ZPBP: variants seen among roughly 807,000 people sequenced by gnomAD.
ZPBP encodes zona pellucida binding protein.
In ZPBP, 26 loss-of-function variants were observed where a neutral mutation model predicts 44.8. The ratio of observed to expected loss-of-function variants is 0.58; its 90% CI spans 0.43 to 0.81. The LOEUF is 0.81. ZPBP is among the 30% of genes least tolerant of loss of function. The probability of loss-of-function intolerance (pLI) is 0.00; values close to 1 mark genes in which losing one functional copy is unlikely to be tolerated. For missense variants in ZPBP, 409 were observed against 434.0 expected, an observed-to-expected ratio of 0.94 and a Z score of 0.51; for synonymous variants, 174 against 153.2, an observed-to-expected ratio of 1.14 and a Z score of -1.00.
rs143888747 is a variant in ZPBP at position 49,971,218 on chromosome 7, T to C, written c.961+12124A>G. Among the ~76,000 whole-genome samples the C allele has an allele frequency of 8.2e-4, 125 of 151,924 alleles. 1 individual carries two copies. The highest frequency in any genetic ancestry group is 6.8e-3 in the Middle Eastern group (2 of 294). On this transcript the variant is annotated intron_variant, in intron 7 of 7. Coordinates refer to ENST00000046087, the MANE Select transcript of ZPBP (RefSeq NM_007009.3). ...AAAAGACTGCTAATCAGTAAACCGA[T>C]TTACACCTTAAGGAACCAGGAAAAG...
At chr7:49,845,247 A>C in the ZPBP span, among the ~76,000 whole-genome samples, 1 of 152,036 alleles carries the variant, frequency 6.6e-6, no homozygotes, top group East Asian at 1.9e-4. Flanking sequence ...CCTATGTAAC[A>C]AACCTGCATA....
intron 7 of ZPBP, chr7:49,944,371 TCA>T (rs1795013753): frequency 4.9e-6 from 1 of 205,512 alleles, no homozygotes; most frequent in African/African-American, 2.4e-5. Context: ...CTTCCTGCTC[TCA>T]GTCTGGGTTT....
At chr7:49,877,485 T>A (rs369251389) in intron 2 of ZPBP, among the ~76,000 whole-genome samples, 1,850 of 14,642 alleles carry the variant, frequency 0.13, 427 homozygotes, top group East Asian at 0.26. Context: ...AAAAAAAATA[T>A]ATATATATAT....
At chr7:49,880,473 T>A (rs1394274111) in intron 2 of ZPBP, among the ~76,000 whole-genome samples, 1 of 151,990 alleles carries the variant, frequency 6.6e-6, no homozygotes, top group Non-Finnish European at 1.5e-5. Context: ...GAAGATTTTT[T>A]ATTATGGATT....
At chr7:50,089,121 T>C (rs1222014021) in intron 2 of ZPBP, among the ~76,000 whole-genome samples, 3 of 152,044 alleles carry the variant, frequency 2.0e-5, no homozygotes, top group Non-Finnish European at 4.4e-5. Context: ...CTTTTTGGGG[T>C]GATGAAAATG....
chr7:49,913,468 G>A (rs1226731845), intron 1 of ZPBP: 1 of 152,104 alleles, frequency 6.6e-6, no homozygotes, highest in East Asian at 1.9e-4. Context: ...GATAAAAAAA[G>A]CAAAACTATA....
chr7:49,874,486 A>T (rs1359617100), intron 2 of ZPBP, among the ~76,000 whole-genome samples: 1 of 152,164 alleles, frequency 6.6e-6, no homozygotes, highest in Non-Finnish European at 1.5e-5. Context: ...CATAACAACA[A>T]GATCACAAAA....
In ZPBP at chr7:49,870,268, C is replaced by T. The variant is rs181761042; in HGVS notation, n.510-19754G>A. Reference sequence around the variant, plus strand: ...ACAAAAAATTAGCTGGGCATGGTGGCGGGCGCCTGTAGTCCCAGCTACTCG... The same window carrying T: ...ACAAAAAATTAGCTGGGCATGGTGGTGGGCGCCTGTAGTCCCAGCTACTCG... On this transcript the variant is annotated intron_variant and non_coding_transcript_variant, in intron 2 of 2. Coordinates refer to the ZPBP transcript ENST00000465922. 2.8e-3 allele frequency among the ~76,000 whole-genome samples: 431 copies of T among 152,156 alleles called. 3 individuals are homozygous for T. Among genetic ancestry groups the T allele is most frequent in the Middle Eastern group, 0.01 (3 of 294 alleles).
At chr7:50,071,082 C>T (rs1045993059) in intron 3 of ZPBP, among the ~76,000 whole-genome samples, 2 of 152,146 alleles carry the variant, frequency 1.3e-5, no homozygotes, top group African/African-American at 4.8e-5. Flanking sequence ...TCCAATATCA[C>T]TAAAGTAGGC....
chr7:49,988,340 A>G (rs940052601), intron 6 of ZPBP, among the ~76,000 whole-genome samples: 17 of 152,312 alleles, frequency 1.1e-4, no homozygotes, highest in African/African-American at 3.4e-4. Context: ...CTTTCCTGAC[A>G]CCTAGCTTTT....
chr7:49,846,116 A>G (rs1280021653), downstream of ZPBP, among the ~76,000 whole-genome samples: 1 of 152,198 alleles, frequency 6.6e-6, no homozygotes, highest in African/African-American at 2.4e-5. Flanking sequence ...TTCTTTAGAG[A>G]TAACTATCCC....
intron 6 of ZPBP, among the ~76,000 whole-genome samples, chr7:50,002,305 C>T (rs568846413): frequency 3.9e-5 from 6 of 152,158 alleles, no homozygotes; most frequent in East Asian, 3.9e-4. Flanking sequence ...TGGGAAATAC[C>T]GCCCCCATGA....
chr7:50,001,556 G>A (rs766622510), intron 6 of ZPBP, among the ~76,000 whole-genome samples: 1 of 152,126 alleles, frequency 6.6e-6, no homozygotes, highest in African/African-American at 2.4e-5. Context: ...CCAAGAATGA[G>A]TAACAGGGAC....
intron 5 of ZPBP, among the ~76,000 whole-genome samples, chr7:50,024,083 GA>G (rs1247535279): frequency 6.6e-6 from 1 of 151,966 alleles, no homozygotes; most frequent in Non-Finnish European, 1.5e-5. Context: ...AATAATCAGG[GA>G]AATGCAAATG....
chr7:49,985,770 T>G (rs1337298028), intron 6 of ZPBP, among the ~76,000 whole-genome samples: 2 of 152,168 alleles, frequency 1.3e-5, no homozygotes, highest in Admixed American at 6.5e-5. Context: ...ATCAGATGCT[T>G]TTGTGCAGAT....
intron 2 of ZPBP, among the ~76,000 whole-genome samples, chr7:49,892,336 G>A (rs556150447): frequency 3.9e-5 from 6 of 152,086 alleles, no homozygotes; most frequent in East Asian, 3.9e-4. Context: ...GTGAGCCACC[G>A]CGCCCGGCCA....
chr7:50,050,131 G>A (rs547975984), intron 4 of ZPBP, among the ~76,000 whole-genome samples: 101 of 152,122 alleles, frequency 6.6e-4, no homozygotes, highest in African/African-American at 2.3e-3. Context: ...GACATACCAT[G>A]CTCATAAACT....
At chr7:50,088,319 C>T (rs187038553) in intron 2 of ZPBP, among the ~76,000 whole-genome samples, 4 of 151,980 alleles carry the variant, frequency 2.6e-5, no homozygotes, top group Non-Finnish European at 4.4e-5. Context: ...AAAACTACAA[C>T]ATTCTTATAA....
At chr7:49,845,874 C>T (rs778228306), downstream of ZPBP, among the ~76,000 whole-genome samples, 2 of 152,050 alleles carry the variant, frequency 1.3e-5, no homozygotes, top group Admixed American at 6.5e-5. Context: ...AGTGTGAGTG[C>T]GTGTGCACAC....
Sources: allele counts gnomAD v4.1 joint callset (sites outside exome capture counted in the v4.1 genomes callset), GRCh38; gene constraint gnomAD v4.1.1; transcripts MANE v1.5; gene names NCBI Gene and HGNC (gene_info 2026-07-23, HGNC 2026-07-21).